GBE1: variants seen among roughly 807,000 people sequenced by gnomAD.
GBE1 encodes the protein 1,4-alpha-glucan branching enzyme 1.
GBE1 carries 70 observed loss-of-function variants against 88.8 expected under a neutral mutation model. That is an observed-to-expected ratio of 0.79 (90% CI 0.65 to 0.96). GBE1 has a LOEUF of 0.96. Among genes scored for constraint, GBE1 ranks in the 40% least tolerant of loss-of-function variants. The pLI, the probability that GBE1 is intolerant of heterozygous loss-of-function variation, is 0.00. For synonymous variants in GBE1, 284 were observed against 300.1 expected (o/e 0.95, Z 0.56); for missense variants, 872 against 871.0 (o/e 1.00, Z -0.01).
chr3:81,520,722 T>C (rs1376056374), intron 14 of GBE1, among the ~76,000 whole-genome samples: 1 of 151,652 alleles, frequency 6.6e-6, no homozygotes, highest in Non-Finnish European at 1.5e-5. Context: ...ATTAAGTACA[T>C]GTAGGTCTCA....
chr3:81,590,942 A>T, intron 9 of GBE1, 95 bp downstream of exon 9: 1 of 1,079,896 alleles, frequency 9.3e-7, no homozygotes, highest in East Asian at 2.7e-5. Context: ...TTACGCAATT[A>T]TTGACAACAT....
intron 2 of GBE1, among the ~76,000 whole-genome samples, chr3:81,703,361 T>G (rs978076788): frequency 6.6e-6 from 1 of 151,986 alleles, no homozygotes; most frequent in Admixed American, 6.6e-5. Context: ...TTTACAAAAG[T>G]GTCCATGAAA....
chr3:81,514,170 G>A (rs898106782), intron 14 of GBE1, among the ~76,000 whole-genome samples: 1 of 151,078 alleles, frequency 6.6e-6, no homozygotes, highest in Non-Finnish European at 1.5e-5. Flanking sequence ...TGTTAATAGG[G>A]AGGCTGGCAA....
chr3:81,709,107 T>A (rs1470298354), intron 1 of GBE1, among the ~76,000 whole-genome samples: 1 of 152,192 alleles, frequency 6.6e-6, no homozygotes, highest in Non-Finnish European at 1.5e-5. Flanking sequence ...TAGTTACACC[T>A]CATTGCTGCG....
chr3:81,639,958 G>A (rs1313429647), intron 7 of GBE1, among the ~76,000 whole-genome samples: 1 of 152,092 alleles, frequency 6.6e-6, no homozygotes, highest in Non-Finnish European at 1.5e-5. Flanking sequence ...GTGAGTTTGG[G>A]AACAAAATAA....
chr3:81,625,594 T>C (rs751640927), intron 7 of GBE1, among the ~76,000 whole-genome samples: 3 of 152,000 alleles, frequency 2.0e-5, no homozygotes, highest in South Asian at 2.1e-4. Flanking sequence ...TGCACCACTA[T>C]GCCCAGGTAA....
chr3:81,680,571 T>C (rs1157856109), intron 2 of GBE1, among the ~76,000 whole-genome samples: 1 of 151,662 alleles, frequency 6.6e-6, no homozygotes, highest in Admixed American at 6.6e-5. Flanking sequence ...AAAATAAACA[T>C]TATTTAGGAT....
In GBE1 at chr3:81,634,160, C is replaced by T. The variant is rs531677846; in HGVS notation, c.992+8621G>A. On this transcript the variant is annotated intron_variant, in intron 7 of 15. Transcript: ENST00000429644. ...CAGTTACCTGCCTCGTTCGCGAGTC[C>T]TGCTTTTATCCTTTAGTAAAAATCT... 1.8e-4 allele frequency among the ~76,000 whole-genome samples: 28 copies of T among 152,328 alleles called. No individual in the cohort carries two copies. The South Asian group carries it at 5.8e-3, about 32-fold the overall frequency.
At chr3:81,564,407 C>T (rs1703462504) in intron 12 of GBE1, among the ~76,000 whole-genome samples, 1 of 152,134 alleles carries the variant, frequency 6.6e-6, no homozygotes, top group Admixed American at 6.6e-5. Flanking sequence ...CGGCCACTGA[C>T]AATCACAAAT....
chr3:81,499,155 A>G lies in GBE1; in HGVS notation c.2007T>C (p.Phe669=). The part of the protein sequence containing the change: ...GHQRLDHSTD[F]FSEAFEHNGR... The stretch of plus-strand genomic sequence containing the variant: ...CATTATGTTCAAAAGCCTCAGAAAA[A>G]AAGTCAGTGCTGTGGTCCAGTCTCT... The change falls in exon 15 of 16, where the codon TTT becomes TTC. Residue 669 remains phenylalanine (F), a synonymous_variant. Transcript: ENST00000429644. 6.2e-7 allele frequency: 1 copy of G among 1,612,056 alleles called. No individual in the cohort carries two copies. Among genetic ancestry groups the G allele is most frequent in the Non-Finnish European group, 8.5e-7 (1 of 1,178,910 alleles).
chr3:81,669,125 T>C (rs907040592), intron 3 of GBE1, among the ~76,000 whole-genome samples: 11 of 152,130 alleles, frequency 7.2e-5, no homozygotes, highest in Non-Finnish European at 1.6e-4. Context: ...AAAGCTCCAC[T>C]ATGATTGGGA....
chr3:81,656,943 G>A (rs538834646), intron 3 of GBE1, among the ~76,000 whole-genome samples: 1 of 152,110 alleles, frequency 6.6e-6, no homozygotes, highest in South Asian at 2.1e-4. Context: ...ATCACCTGAG[G>A]TCAGAAGTTC....
chr3:81,630,258 G>T (rs1463769365), intron 7 of GBE1, among the ~76,000 whole-genome samples: 1 of 152,094 alleles, frequency 6.6e-6, no homozygotes, highest in Non-Finnish European at 1.5e-5. Context: ...ACTACTCAAT[G>T]AAATAAAAGA....
chr3:81,512,868 A>G (rs1416766776), intron 14 of GBE1, among the ~76,000 whole-genome samples: 1 of 151,784 alleles, frequency 6.6e-6, no homozygotes, highest in Non-Finnish European at 1.5e-5. Flanking sequence ...TCTTAAAATA[A>G]GCTTGTATTT....
intron 12 of GBE1, among the ~76,000 whole-genome samples, chr3:81,548,664 G>A (rs1241487090): frequency 1.3e-5 from 2 of 151,080 alleles, no homozygotes; most frequent in African/African-American, 4.8e-5. Flanking sequence ...TCAAAAGATT[G>A]TTTCATAATC....
chr3:81,526,387 A>G (rs1446166819), intron 14 of GBE1, among the ~76,000 whole-genome samples: 1 of 152,080 alleles, frequency 6.6e-6, no homozygotes, highest in Non-Finnish European at 1.5e-5. Flanking sequence ...CAGGCAGGAG[A>G]AAGAAATAAA....
intron 1 of GBE1, among the ~76,000 whole-genome samples, chr3:81,723,265 T>G (rs982542420): frequency 6.6e-6 from 1 of 151,454 alleles, no homozygotes; most frequent in Admixed American, 6.6e-5. Context: ...TGTTTTGTTT[T>G]TTTTTTTTTG....
intron 3 of GBE1, among the ~76,000 whole-genome samples, chr3:81,652,111 T>C (rs181173764): frequency 6.6e-6 from 1 of 152,310 alleles, no homozygotes; most frequent in East Asian, 1.9e-4. Flanking sequence ...AATGATGCCC[T>C]TGAAGACACA....
chr3:81,696,617 C>A (rs577290039), intron 2 of GBE1, among the ~76,000 whole-genome samples: 1 of 151,968 alleles, frequency 6.6e-6, no homozygotes, highest in Non-Finnish European at 1.5e-5. Flanking sequence ...AAGTAAATGG[C>A]GAGCTTAACA....
Sources: gnomAD v4.1 joint callset for allele counts (sites outside exome capture counted in the v4.1 genomes callset) on GRCh38, gnomAD v4.1.1 for gene constraint, MANE v1.5 for transcripts, NCBI Gene and HGNC (gene_info 2026-07-23, HGNC 2026-07-21) for gene names.